The following PLEKHA8 variants were observed in gnomAD, a reference collection of about 807,000 sequenced individuals.
PLEKHA8 encodes the protein pleckstrin homology domain-containing family A member 8.
Under a neutral mutation model 68.2 loss-of-function variants are expected in PLEKHA8, and 36 were observed. The ratio of observed to expected loss-of-function variants is 0.53; its 90% CI spans 0.40 to 0.70. PLEKHA8 has a LOEUF of 0.70. Ranked by LOEUF, PLEKHA8 falls within the 30% of genes least tolerant of loss-of-function variation. The pLI, the probability that PLEKHA8 is intolerant of heterozygous loss-of-function variation, is 0.00. For missense variants in PLEKHA8, 505 were observed against 615.4 expected (o/e 0.82, Z 1.90); for synonymous variants, 211 against 216.1 (o/e 0.98, Z 0.20).
intron 13 of PLEKHA8, among the ~76,000 whole-genome samples, chr7:30,117,515 G>A (rs1344994350): frequency 6.6e-6 from 1 of 151,954 alleles, no homozygotes; most frequent in Non-Finnish European, 1.5e-5. Flanking sequence ...GACCAGCCTG[G>A]GCAACATAGT....
intron 7 of PLEKHA8, 135 bp downstream of exon 7, chr7:30,053,001 A>G (rs1792548303): frequency 1.5e-6 from 1 of 672,942 alleles, no homozygotes; most frequent in Non-Finnish European, 2.3e-6. Context: ...TGGCTGGGTA[A>G]GATAAGTCAT....
chr7:30,059,399 G>T, intron 9 of PLEKHA8, among the ~76,000 whole-genome samples: 1 of 152,036 alleles, frequency 6.6e-6, no homozygotes, highest in South Asian at 2.1e-4. Flanking sequence ...TGCTTTTTCT[G>T]TATTTGCTGA....
At chr7:30,109,226 C>T (rs1487946673) in intron 13 of PLEKHA8, among the ~76,000 whole-genome samples, 2 of 152,112 alleles carry the variant, frequency 1.3e-5, no homozygotes, top group African/African-American at 4.8e-5. Flanking sequence ...AAAGTTAACA[C>T]AGAATTCCCA....
chr7:30,074,246 T>TTGTGTGTGTGTG (rs149548208), intron 13 of PLEKHA8, 114 bp downstream of exon 13: 9,563 of 488,128 alleles, frequency 0.02, 117 homozygotes, highest in African/African-American at 0.035. Context: ...AGAAACAAAG[T>TTGTGTGTGTGTG]TGTGTGTGTG....
At chr7:30,130,236 G>T (rs1170278242), downstream of PLEKHA8, 1 of 152,180 alleles carries the variant, frequency 6.6e-6, no homozygotes, top group African/African-American at 2.4e-5. Flanking sequence ...TATCAGAAAA[G>T]AAACAGAGAA....
At chr7:30,060,717 G>C (rs1046645231) in intron 9 of PLEKHA8, among the ~76,000 whole-genome samples, 167 bp from the exon 10 acceptor site, 1 of 152,174 alleles carries the variant, frequency 6.6e-6, no homozygotes, top group Non-Finnish European at 1.5e-5. Context: ...AATAGAAAAA[G>C]ATGGTAATAG....
chr7:30,078,753 A>G lies in PLEKHA8; in HGVS notation c.1526A>G (p.Glu509Gly), dbSNP rs1186770936. The change falls in exon 14 of 14, where the codon GAG becomes GGG. Residue 509 changes from glutamate to glycine, a missense_variant. Coordinates refer to ENST00000449726, the MANE Select transcript of PLEKHA8 (RefSeq NM_001197026.2). ...CTGGCCATACTGGACACTTTATATGAGGTCCACGGGCTGGAATCTGATGAG... is the reference window on the plus strand; with the variant it reads ...CTGGCCATACTGGACACTTTATATGGGGTCCACGGGCTGGAATCTGATGAG... ...KQLAILDTLYEVHGLESDEVV is the reference protein window; with the variant it reads ...KQLAILDTLYGVHGLESDEVV 2 of 1,613,450 alleles carry G rather than the reference A, an allele frequency of 1.2e-6. No individual in the cohort carries two copies. Among genetic ancestry groups the G allele is most frequent in the Admixed American group, 3.3e-5 (2 of 59,926 alleles).
intron 13 of PLEKHA8, among the ~76,000 whole-genome samples, chr7:30,114,466 G>A (rs143601819): frequency 1.3e-4 from 20 of 152,308 alleles, no homozygotes; most frequent in South Asian, 2.1e-4. Flanking sequence ...CTTAGCTACC[G>A]TGCAACAGTG....
intron 13 of PLEKHA8, among the ~76,000 whole-genome samples, chr7:30,109,006 A>G (rs1796170880): frequency 6.6e-6 from 1 of 152,214 alleles, no homozygotes; most frequent in Non-Finnish European, 1.5e-5. Context: ...AAACCCACTG[A>G]GGGTCTGGCT....
chr7:30,108,813 T>C (rs1470205763), intron 13 of PLEKHA8, among the ~76,000 whole-genome samples: 3 of 152,218 alleles, frequency 2.0e-5, no homozygotes, highest in African/African-American at 7.2e-5. Flanking sequence ...TTTGTTCCTT[T>C]GGCAGGAGGG....
chr7:30,052,908 G>A, intron 7 of PLEKHA8, 42 bp downstream of exon 7: 1 of 1,502,406 alleles, frequency 6.7e-7, no homozygotes, highest in South Asian at 1.3e-5. Flanking sequence ...AATTTTAGAT[G>A]ATAGAAAATT....
chr7:30,111,553 C>G (rs975655384), intron 13 of PLEKHA8, among the ~76,000 whole-genome samples: 7 of 150,170 alleles, frequency 4.7e-5, no homozygotes, highest in African/African-American at 1.7e-4. Context: ...AATTTTCTAG[C>G]TTCTACATTC....
At chr7:30,030,341 A>G (rs1427019264) in intron 1 of PLEKHA8, among the ~76,000 whole-genome samples, 1 of 151,830 alleles carries the variant, frequency 6.6e-6, no homozygotes, top group African/African-American at 2.4e-5. Context: ...CTATATAGAA[A>G]GTTTAGTCTC....
intron 10 of PLEKHA8, 81 bp from the exon 11 acceptor site, chr7:30,061,816 C>T: frequency 6.6e-7 from 1 of 1,526,666 alleles, no homozygotes; most frequent in South Asian, 1.2e-5. Context: ...GCTTGCCAAA[C>T]TTACAAGTCT....
chr7:30,045,294 G>T, intron 2 of PLEKHA8, 93 bp downstream of exon 2: 1 of 910,150 alleles, frequency 1.1e-6, no homozygotes, highest in Non-Finnish European at 1.7e-6. Flanking sequence ...TTTCTCTGCT[G>T]CTCCCATAAT....
chr7:30,087,992 G>A (rs1027818265), downstream of PLEKHA8, among the ~76,000 whole-genome samples: 4 of 152,170 alleles, frequency 2.6e-5, no homozygotes, highest in Non-Finnish European at 5.9e-5. Context: ...AATGTGCCCC[G>A]CACCTGACAG....
chr7:30,061,402 G>A (rs1470949291), intron 10 of PLEKHA8, among the ~76,000 whole-genome samples: 1 of 152,166 alleles, frequency 6.6e-6, no homozygotes, highest in Non-Finnish European at 1.5e-5. Context: ...TTTCTTCCAG[G>A]TAAAATAAGG....
chr7:30,063,086 A>G (rs1023544128), intron 12 of PLEKHA8, among the ~76,000 whole-genome samples: 1 of 152,236 alleles, frequency 6.6e-6, no homozygotes, highest in African/African-American at 2.4e-5. Context: ...TCAGTATACA[A>G]AGAAAAGCTT....
At chr7:30,057,861 G>A (rs1295656663) in intron 9 of PLEKHA8, among the ~76,000 whole-genome samples, 1 of 152,146 alleles carries the variant, frequency 6.6e-6, no homozygotes, top group Non-Finnish European at 1.5e-5. Flanking sequence ...GGAATTGCTG[G>A]TTCATAGTTT....
Sources: allele counts gnomAD v4.1 joint callset (sites outside exome capture counted in the v4.1 genomes callset), GRCh38; gene constraint gnomAD v4.1.1; transcripts MANE v1.5; gene names NCBI Gene and HGNC (gene_info 2026-07-23, HGNC 2026-07-21).